The following ANKS1B variants were observed in gnomAD, a reference collection of about 807,000 sequenced individuals.
The protein encoded by ANKS1B is ankyrin repeat and sterile alpha motif domain-containing protein 1B.
A neutral mutation model predicts 148.3 loss-of-function variants in ANKS1B; 36 were observed. That is an observed-to-expected ratio of 0.24 (90% CI 0.19 to 0.32). The LOEUF is 0.32. ANKS1B is among the 10% of genes least tolerant of loss of function. ANKS1B has a pLI of 1.00. For synonymous variants in ANKS1B, 542 were observed against 560.8 expected, an observed-to-expected ratio of 0.97 and a Z score of 0.47; for missense variants, 1,157 against 1,542.6, an observed-to-expected ratio of 0.75 and a Z score of 4.19.
rs78393211 is a variant in ANKS1B at position 98,780,088 on chromosome 12, C to T, written c.3441+1029G>A. 9.5e-3 allele frequency among the ~76,000 whole-genome samples: 1,452 copies of T among 152,298 alleles called. 29 individuals are homozygous for T. The highest frequency in any genetic ancestry group is 0.033 in the African/African-American group (1,377 of 41,554). ...TAATAGAGACACCAAAGAGTCACTG[C>T]CCGTGAGACTTTTCCCTGGAACCTA... On this transcript the variant is annotated intron_variant, in intron 24 of 26. Coordinates refer to ENST00000683438, the MANE Select transcript of ANKS1B (RefSeq NM_001352186.2).
intron 9 of ANKS1B, among the ~76,000 whole-genome samples, chr12:99,595,493 G>A (rs1357729576): frequency 1.3e-5 from 2 of 151,838 alleles, no homozygotes; most frequent in East Asian, 3.9e-4. Context: ...ATGCTGAAAT[G>A]TACAAAACAC....
At chr12:99,932,587 C>A (rs1469142258) in intron 1 of ANKS1B, among the ~76,000 whole-genome samples, 1 of 152,102 alleles carries the variant, frequency 6.6e-6, no homozygotes, top group South Asian at 2.1e-4. Flanking sequence ...TGATAAATGT[C>A]TTTTCAAATA....
At chr12:99,050,696 T>TC (rs1599013217) in intron 17 of ANKS1B, among the ~76,000 whole-genome samples, 5 of 144,244 alleles carry the variant, frequency 3.5e-5, no homozygotes, top group Admixed American at 6.9e-5. Context: ...TTTTCTTTTT[T>TC]TTTTTTTTTT....
chr12:99,383,177 T>G (rs746647558), intron 12 of ANKS1B, among the ~76,000 whole-genome samples: 5 of 152,172 alleles, frequency 3.3e-5, no homozygotes, highest in Non-Finnish European at 7.4e-5. Context: ...TCAGATATCA[T>G]TCTGTTGCCT....
chr12:99,745,561 C>T (rs982449878), intron 8 of ANKS1B, among the ~76,000 whole-genome samples: 3 of 152,112 alleles, frequency 2.0e-5, no homozygotes, highest in East Asian at 1.9e-4. Flanking sequence ...CCTCAATTTT[C>T]TATCTTATCA....
chr12:99,815,572 G>A (rs1329667471), intron 2 of ANKS1B, among the ~76,000 whole-genome samples: 1 of 151,458 alleles, frequency 6.6e-6, no homozygotes, highest in Non-Finnish European at 1.5e-5. Flanking sequence ...TAAATTCTGA[G>A]ATTTTAGTGC....
chr12:99,294,083 G>A (rs1010536290), intron 12 of ANKS1B, among the ~76,000 whole-genome samples: 6 of 152,142 alleles, frequency 3.9e-5, no homozygotes, highest in African/African-American at 1.4e-4. Context: ...TTGCTGGAAT[G>A]CAAATTTGTA....
intron 9 of ANKS1B, among the ~76,000 whole-genome samples, chr12:99,594,170 C>G (rs1032679816): frequency 3.3e-5 from 5 of 152,134 alleles, no homozygotes; most frequent in African/African-American, 1.2e-4. Flanking sequence ...CTTAAACTGT[C>G]AAGTGCTGGA....
chr12:99,140,668 C>T lies in ANKS1B; in HGVS notation c.2526+13621G>A, dbSNP rs188891403. Among the ~76,000 whole-genome samples, 13 of 152,224 alleles carry T rather than the reference C, an allele frequency of 8.5e-5. No individual in the cohort carries two copies. In the East Asian group the frequency reaches 1.2e-3, roughly 14 times the overall value. ...TCACGAAGGTTGAGGGACTGGCCCA[C>T]GATCTCACACCAAGTAGGTAAAGAA... On this transcript the variant is annotated intron_variant, in intron 15 of 26. Transcript: ENST00000683438.
chr12:99,733,020 TAA>T (rs34200797), intron 8 of ANKS1B, among the ~76,000 whole-genome samples: 19 of 148,470 alleles, frequency 1.3e-4, no homozygotes, highest in African/African-American at 2.7e-4. Flanking sequence ...CCTTGCTCAT[TAA>T]AAAAAAAAAG....
intron 17 of ANKS1B, among the ~76,000 whole-genome samples, chr12:98,979,670 T>TC (rs1291665054): frequency 6.6e-6 from 1 of 151,842 alleles, no homozygotes; most frequent in Non-Finnish European, 1.5e-5. Context: ...CTTTTAGATT[T>TC]TTTTTTTTTA....
intron 8 of ANKS1B, among the ~76,000 whole-genome samples, chr12:99,657,726 A>G (rs537103767): frequency 1.0e-3 from 152 of 151,588 alleles, no homozygotes; most frequent in Middle Eastern, 6.8e-3. Context: ...GCTCATGATC[A>G]GCTAACAGTT....
intron 12 of ANKS1B, among the ~76,000 whole-genome samples, chr12:99,309,755 T>C (rs932195196): frequency 3.9e-5 from 6 of 152,152 alleles, no homozygotes; most frequent in Non-Finnish European, 5.9e-5. Flanking sequence ...TATATTACAA[T>C]TGGTGTAGCA....
At chr12:99,496,685 A>G (rs2096607577) in intron 10 of ANKS1B, among the ~76,000 whole-genome samples, 1 of 152,036 alleles carries the variant, frequency 6.6e-6, no homozygotes, top group Admixed American at 6.6e-5. Context: ...ATCTACTAAT[A>G]AGTTGCTTTT....
rs2073887896 is a variant in ANKS1B, at chr12:99,246,400, C to T, written c.2221G>A (p.Asp741Asn). Reference protein sequence around the residue: ...LSKSVSKSDSDLIAYPSNEKT... With the variant: ...LSKSVSKSDSNLIAYPSNEKT... Reference sequence around the variant, plus strand: ...TCATTGGAAGGATAGGCAATGAGATCAGAATCAGATTTAGAGACACTTTTT... The same window carrying T: ...TCATTGGAAGGATAGGCAATGAGATTAGAATCAGATTTAGAGACACTTTTT... The change falls in exon 13 of 27, where the codon GAT (aspartate) becomes AAT (asparagine). Residue 741 changes from aspartate (D) to asparagine (N), a missense_variant. Physicochemically the swap from Asp to Asn is conservative, Grantham distance 23 (BLOSUM62 1). This residue lies in a region of ANKS1B where 661 missense variants were observed against 642.1 expected (regional missense o/e 1.03). Coordinates refer to ENST00000683438, the MANE Select transcript of ANKS1B (RefSeq NM_001352186.2). 2.5e-6 allele frequency: 4 copies of T among 1,613,754 alleles called. No individual in the cohort carries two copies. Among genetic ancestry groups the T allele is most frequent in the Non-Finnish European group, 3.4e-6 (4 of 1,179,872 alleles).
At chr12:99,918,981 T>G (rs1224872718) in intron 1 of ANKS1B, among the ~76,000 whole-genome samples, 1 of 152,204 alleles carries the variant, frequency 6.6e-6, no homozygotes, top group African/African-American at 2.4e-5. Flanking sequence ...CCAGTGATTT[T>G]CATCCCTAGG....
intron 9 of ANKS1B, among the ~76,000 whole-genome samples, chr12:99,615,930 A>C (rs1268933287): frequency 6.6e-6 from 1 of 152,182 alleles, no homozygotes; most frequent in Non-Finnish European, 1.5e-5. Flanking sequence ...CTGATAAGCA[A>C]CTTCAGCAAA....
At chr12:98,918,164 C>A (rs1247073391) in intron 17 of ANKS1B, among the ~76,000 whole-genome samples, 1 of 152,200 alleles carries the variant, frequency 6.6e-6, no homozygotes, top group Admixed American at 6.5e-5. Flanking sequence ...GGGTGATATA[C>A]CCCTGCACCT....
At chr12:98,981,028 A>G (rs7487997) in intron 17 of ANKS1B, among the ~76,000 whole-genome samples, 3,261 of 151,822 alleles carry the variant, frequency 0.021, 124 homozygotes, top group African/African-American at 0.074. Flanking sequence ...TTTTTAGGCC[A>G]GGCATGGTGG....
Sources: gnomAD v4.1 joint callset for allele counts (sites outside exome capture counted in the v4.1 genomes callset) on GRCh38, gnomAD v4.1.1 for gene constraint, gnomAD v4.1.1 regional missense constraint, MANE v1.5 for transcripts, NCBI Gene and HGNC (gene_info 2026-07-23, HGNC 2026-07-21) for gene names.